Variants in NIPA1 observed in about 807,000 individuals in gnomAD.
The protein encoded by NIPA1 is NIPA magnesium transporter 1.
In NIPA1, 13 loss-of-function variants were observed where a neutral mutation model predicts 23.9. The observed-to-expected ratio is 0.54, with a 90% CI of 0.35 to 0.87. The LOEUF (loss-of-function observed/expected upper bound fraction) is 0.87, where lower values mean the gene tolerates loss of function less well. Ranked by LOEUF, NIPA1 falls within the 40% of genes least tolerant of loss-of-function variation. The probability of loss-of-function intolerance (pLI) is 0.01; values close to 1 mark genes in which losing one functional copy is unlikely to be tolerated. For missense variants in NIPA1, 362 were observed against 429.7 expected (o/e 0.84, Z 1.39); for synonymous variants, 234 against 202.9 (o/e 1.15, Z -1.30).
intron 2 of NIPA1, 63 bp downstream of exon 2, chr15:22,810,859 C>G: frequency 1.5e-6 from 2 of 1,319,872 alleles, no homozygotes; most frequent in South Asian, 2.3e-5. Flanking sequence ...CTGGTCTGGG[C>G]AGGGCTGGAG....
rs1895292653 is a variant in NIPA1, at chr15:22,810,233, T to C, written c.179-516T>C. 1.3e-5 allele frequency among the ~76,000 whole-genome samples: 2 copies of C among 152,052 alleles called. 1 individual carries two copies. Among genetic ancestry groups the C allele is most frequent in the Admixed American group, 1.3e-4 (2 of 15,260 alleles). Reference sequence around the variant, plus strand: ...GGATGCCGGCAAGTCTCAGGTCAAATGTCAGAGCATCAGGTGAGTGTAAGG... The same window carrying C: ...GGATGCCGGCAAGTCTCAGGTCAAACGTCAGAGCATCAGGTGAGTGTAAGG... On this transcript the variant is annotated intron_variant, in intron 1 of 4. Coordinates refer to ENST00000337435, the MANE Select transcript of NIPA1 (RefSeq NM_144599.5).
chr15:22,793,862 G>C (rs1894886161), intron 1 of NIPA1, among the ~76,000 whole-genome samples: 1 of 152,132 alleles, frequency 6.6e-6, no homozygotes, highest in South Asian at 2.1e-4. Context: ...TGGCTTTGTT[G>C]AGGATCAATG....
intron 1 of NIPA1, among the ~76,000 whole-genome samples, chr15:22,804,360 A>G (rs1895156080): frequency 6.6e-6 from 1 of 151,964 alleles, no homozygotes; most frequent in African/African-American, 2.4e-5. Context: ...TGACCTCGTG[A>G]TCCACCCGCC....
intron 1 of NIPA1, among the ~76,000 whole-genome samples, chr15:22,787,301 C>T (rs963329881): frequency 3.0e-4 from 45 of 152,284 alleles, no homozygotes; most frequent in African/African-American, 1.0e-3. Context: ...GCGCGGCCCG[C>T]TCCTAGGGTA....
chr15:22,819,844 A>G (rs1235486916), intron 3 of NIPA1, among the ~76,000 whole-genome samples: 1 of 152,146 alleles, frequency 6.6e-6, no homozygotes, highest in Admixed American at 6.5e-5. Flanking sequence ...ACATAGTAAT[A>G]TAGTGGTGTA....
intron 1 of NIPA1, among the ~76,000 whole-genome samples, chr15:22,796,958 C>G (rs946498663): frequency 2.0e-5 from 3 of 151,936 alleles, no homozygotes; most frequent in African/African-American, 7.3e-5. Context: ...TGTTTAAAAT[C>G]TGGAAAGTAC....
intron 1 of NIPA1, among the ~76,000 whole-genome samples, chr15:22,799,593 T>G (rs528152015): frequency 6.6e-6 from 1 of 151,868 alleles, no homozygotes; most frequent in Admixed American, 6.6e-5. Flanking sequence ...CCATCCTGGC[T>G]AACACGGTGA....
chr15:22,816,519 TCTCA>T (rs984787053), intron 3 of NIPA1, among the ~76,000 whole-genome samples: 10 of 78,244 alleles, frequency 1.3e-4, no homozygotes, highest in Middle Eastern at 0.015. Context: ...TCAGATGGAG[TCTCA>T]CTCTGTCACC....
rs1032034044 is a variant in NIPA1 at position 22,821,063 on chromosome 15, C to T, written c.478+590C>T. Among the ~76,000 whole-genome samples the T allele has an allele frequency of 6.0e-5, 9 of 151,080 alleles. No individual in the cohort carries two copies. In the East Asian group the frequency reaches 1.2e-3, roughly 20 times the overall value. On this transcript the variant is annotated intron_variant, in intron 4 of 4. Coordinates refer to ENST00000337435, the MANE Select transcript of NIPA1 (RefSeq NM_144599.5). ...CGCGATCTCAGCTCACTGCGAGCTC[C>T]GCCATTCTTCTGCCTCAGCCTCCTG...
upstream of NIPA1, chr15:22,786,317 C>T (rs1303393314): frequency 2.0e-5 from 3 of 152,392 alleles, no homozygotes; most frequent in Non-Finnish European, 2.9e-5. Flanking sequence ...CTGCCGCGCT[C>T]CGCTGCCCGG....
chr15:22,804,423 A>G (rs1441857555), intron 1 of NIPA1, among the ~76,000 whole-genome samples: 2 of 152,114 alleles, frequency 1.3e-5, no homozygotes, highest in African/African-American at 2.4e-5. Context: ...GCCTGGCCTA[A>G]AAGTTCCTCT....
chr15:22,789,943 C>T (rs956190404), intron 1 of NIPA1, among the ~76,000 whole-genome samples: 26 of 152,036 alleles, frequency 1.7e-4, no homozygotes, highest in Non-Finnish European at 2.8e-4. Flanking sequence ...TACAGGTACA[C>T]GCTACCATGT....
chr15:22,791,350 T>A (rs926164203), intron 1 of NIPA1, among the ~76,000 whole-genome samples: 1 of 152,064 alleles, frequency 6.6e-6, no homozygotes, highest in African/African-American at 2.4e-5. Flanking sequence ...AAGTTTAAAC[T>A]CTAAATGAAT....
rs1210807805 is a variant in NIPA1 at position 22,827,217 on chromosome 15, C to T, written c.*2978C>T. ...ATAGATACTTAAATAGGCTATTTCT[C>T]TCCTCTTCTTGGGCAATGCCTTGTT... On this transcript the variant is annotated 3_prime_UTR_variant, in exon 5 of 5. Coordinates refer to ENST00000337435, the MANE Select transcript of NIPA1 (RefSeq NM_144599.5). 2.0e-5 allele frequency: 3 copies of T among 152,206 alleles called. No individual in the cohort carries two copies. The highest frequency in any genetic ancestry group is 7.2e-5 in the African/African-American group (3 of 41,448). The allele number at this position is 152,206 out of a possible 1,614,324, so 9.4% of individuals were successfully genotyped here. A position where few individuals can be genotyped will look rare whatever the true frequency, so the allele number is the denominator to read the frequency against.
chr15:22,817,686 T>A (rs577675681), intron 3 of NIPA1, among the ~76,000 whole-genome samples: 1 of 151,556 alleles, frequency 6.6e-6, no homozygotes, highest in South Asian at 2.1e-4. Flanking sequence ...GCACCTGTAG[T>A]CCCAGCTACT....
In NIPA1 at chr15:22,824,089, C is replaced by T; in HGVS notation, c.840C>T (p.Phe280=). 6.2e-7 allele frequency: 1 copy of T among 1,614,138 alleles called. No individual in the cohort carries two copies. Among genetic ancestry groups the T allele is most frequent in the Non-Finnish European group, 8.5e-7 (1 of 1,179,984 alleles). ...TLVLLASAIL[F]REWSNVGLVD... is the part of the protein sequence containing the mutation. ...TCCTGCTGGCCTCAGCCATCCTCTT[C>T]CGGGAGTGGAGCAACGTGGGCCTGG... is the stretch of plus-strand genomic sequence containing the variant. Residue 280 remains phenylalanine (F), a synonymous_variant, in exon 5 of 5, where the codon TTC becomes TTT. Coordinates refer to ENST00000337435, the MANE Select transcript of NIPA1 (RefSeq NM_144599.5). This position sits in a 1 kb window ranked among gnomAD's most constrained non-coding sequence, Gnocchi z 4.1.
chr15:22,816,178 A>ATTTTTTT (rs71117481), intron 3 of NIPA1, among the ~76,000 whole-genome samples: 17 of 77,488 alleles, frequency 2.2e-4, no homozygotes, highest in African/African-American at 7.9e-4. Context: ...AGAAGACCTG[A>ATTTTTTT]TTTTTTTTTT....
intron 4 of NIPA1, 105 bp from the exon 5 acceptor site, chr15:22,823,623 C>T (rs372208919): frequency 3.5e-6 from 4 of 1,133,856 alleles, no homozygotes; most frequent in African/African-American, 1.5e-5. Context: ...CAGTAGAGGC[C>T]GGTGGCGGGT....
At chr15:22,802,509 A>G (rs1273362395) in intron 1 of NIPA1, among the ~76,000 whole-genome samples, 1 of 152,108 alleles carries the variant, frequency 6.6e-6, no homozygotes, top group Non-Finnish European at 1.5e-5. Context: ...TACCTGTGAA[A>G]TCCTCACCAC....
Sources: gnomAD v4.1 joint callset for allele counts (sites outside exome capture counted in the v4.1 genomes callset) on GRCh38, gnomAD v4.1.1 for gene constraint, Gnocchi (gnomAD v3.1) non-coding constraint, MANE v1.5 for transcripts, NCBI Gene and HGNC (gene_info 2026-07-23, HGNC 2026-07-21) for gene names.